Variants in PAH observed in about 807,000 individuals in gnomAD.
The protein encoded by PAH is phenylalanine-4-hydroxylase.
A neutral mutation model predicts 62.0 loss-of-function variants in PAH; 64 were observed. The ratio of observed to expected loss-of-function variants is 1.03; its 90% CI spans 0.84 to 1.27. PAH has a LOEUF of 1.27. Ranked by LOEUF, PAH falls within the 50% of genes most tolerant of loss-of-function variation. PAH has a pLI of 0.00. For missense variants in PAH, 579 were observed against 542.8 expected, an observed-to-expected ratio of 1.07 and a Z score of -0.66; for synonymous variants, 195 against 196.2, an observed-to-expected ratio of 0.99 and a Z score of 0.05.
At chr12:102,867,176 C>T (rs946969937) in intron 4 of PAH, among the ~76,000 whole-genome samples, 13 of 152,196 alleles carry the variant, frequency 8.5e-5, no homozygotes, top group Admixed American at 7.2e-4. Flanking sequence ...ATTCTCACAA[C>T]AAACTTGCGA....
At chr12:102,936,009 T>C (rs1879088537) in intron 1 of PAH, among the ~76,000 whole-genome samples, 1 of 151,982 alleles carries the variant, frequency 6.6e-6, no homozygotes, top group African/African-American at 2.4e-5. Flanking sequence ...TTTTTTGATG[T>C]GGATACTTAT....
At position 102,837,835 on chromosome 12, in the gene PAH, C is replaced by G. The variant is rs1046481085; in HGVS notation, c.*1340G>C. The G allele has an allele frequency of 1.3e-5, 2 of 152,064 alleles. No individual in the cohort carries two copies. The highest frequency in any genetic ancestry group is 4.8e-5 in the African/African-American group (2 of 41,416). The allele number at this position is 152,064 out of a possible 1,614,324, so 9.4% of individuals were successfully genotyped here. On this transcript the variant is annotated 3_prime_UTR_variant, in exon 13 of 13. Transcript: ENST00000553106. ...ATCAGGTTTTCTCAAACTGAATGTA[C>G]CTGATAGAATTTGGCTATGAATAAT...
At chr12:102,899,858 C>CAAAAAAAAAAAAAAAAA (rs1166069532) in intron 2 of PAH, among the ~76,000 whole-genome samples, 3 of 9,538 alleles carry the variant, frequency 3.1e-4, no homozygotes, top group African/African-American at 1.0e-3. Context: ...GACTCCGTCT[C>CAAAAAAAAAAAAAAAAA]AAAAAAAAAA....
At chr12:102,875,251 T>G (rs1250239179) in intron 4 of PAH, among the ~76,000 whole-genome samples, 1 of 152,164 alleles carries the variant, frequency 6.6e-6, no homozygotes, top group Non-Finnish European at 1.5e-5. Context: ...TAAAAACCAA[T>G]GCATTCCAGA....
chr12:102,948,023 A>C (rs1879573780), intron 1 of PAH, among the ~76,000 whole-genome samples: 1 of 152,190 alleles, frequency 6.6e-6, no homozygotes, highest in African/African-American at 2.4e-5. Context: ...AGCCCCCCTC[A>C]TCCAGAAAGA....
intron 3 of PAH, among the ~76,000 whole-genome samples, chr12:102,889,534 GGATA>G (rs201300617): frequency 2.0e-5 from 3 of 150,434 alleles, no homozygotes; most frequent in Admixed American, 6.6e-5. Flanking sequence ...ATAGATAGAC[GGATA>G]GATAGATAGA....
chr12:102,909,323 A>C (rs1878112845), intron 2 of PAH, among the ~76,000 whole-genome samples: 1 of 152,180 alleles, frequency 6.6e-6, no homozygotes, highest in South Asian at 2.1e-4. Context: ...CACAGGGGTA[A>C]TGTGCCATTT....
At chr12:102,913,975 G>A in intron 1 of PAH, 1 of 641,944 alleles carries the variant, frequency 1.6e-6, no homozygotes, top group Admixed American at 2.5e-5. Flanking sequence ...TCTCTTGTAA[G>A]CAAGTTAATG....
At chr12:102,896,285 C>G (rs1005149573) in intron 2 of PAH, among the ~76,000 whole-genome samples, 1 of 152,164 alleles carries the variant, frequency 6.6e-6, no homozygotes, top group Non-Finnish European at 1.5e-5. Context: ...GTTGAAGAGA[C>G]AGCCACAAGG....
chr12:102,916,938 A>G, intron 1 of PAH, 133 bp downstream of exon 1: 1 of 826,786 alleles, frequency 1.2e-6, no homozygotes, highest in Non-Finnish European at 2.1e-6. Flanking sequence ...CTTCCTGGAT[A>G]TTCTCATCAG....
intron 3 of PAH, among the ~76,000 whole-genome samples, chr12:102,885,498 C>T (rs1255486752): frequency 6.6e-6 from 1 of 152,186 alleles, no homozygotes; most frequent in Non-Finnish European, 1.5e-5. Context: ...AACAGAGGCC[C>T]TCTGTGGAGC....
chr12:102,872,813 C>A (rs1876404124), intron 4 of PAH, among the ~76,000 whole-genome samples: 1 of 152,024 alleles, frequency 6.6e-6, no homozygotes, highest in South Asian at 2.1e-4. Context: ...ACTAAAAATA[C>A]AAAAATTAGC....
At chr12:102,839,662 A>G (rs1874501532) in intron 12 of PAH, among the ~76,000 whole-genome samples, 1 of 152,214 alleles carries the variant, frequency 6.6e-6, no homozygotes, top group Non-Finnish European at 1.5e-5. Context: ...AAAGCTATTA[A>G]TTTTTAGCTG....
chr12:102,884,813 A>G (rs1319059071), intron 3 of PAH, among the ~76,000 whole-genome samples: 1 of 152,114 alleles, frequency 6.6e-6, no homozygotes, highest in African/African-American at 2.4e-5. Flanking sequence ...TTTCCTCTAA[A>G]GTTACATTTT....
At chr12:102,901,085 A>G (rs1877732344) in intron 2 of PAH, among the ~76,000 whole-genome samples, 1 of 152,206 alleles carries the variant, frequency 6.6e-6, no homozygotes, top group South Asian at 2.1e-4. Context: ...CTATCCTTTA[A>G]GAAAGCCTTT....
chr12:102,851,667 C>T lies in PAH; in HGVS notation c.912+20G>A. 6.2e-7 allele frequency: 1 copy of T among 1,610,288 alleles called. No individual in the cohort carries two copies. Among genetic ancestry groups the T allele is most frequent in the Non-Finnish European group, 8.5e-7 (1 of 1,176,714 alleles). Reference sequence around the variant, plus strand: ...AGGTCACAGACCTATAACTAGAAGGCTAAAAAATCCATTCCTTACCTGGGA... The same window carrying T: ...AGGTCACAGACCTATAACTAGAAGGTTAAAAAATCCATTCCTTACCTGGGA... On this transcript the variant is annotated intron_variant, in intron 8 of 12. Transcript: ENST00000553106.
At chr12:102,949,538 G>C (rs1879654376) in intron 1 of PAH, among the ~76,000 whole-genome samples, 1 of 152,172 alleles carries the variant, frequency 6.6e-6, no homozygotes. Flanking sequence ...GAGGTAGAAA[G>C]TTTCAGGATT....
At chr12:102,907,356 A>G (rs1445616677) in intron 2 of PAH, among the ~76,000 whole-genome samples, 5 of 152,194 alleles carry the variant, frequency 3.3e-5, no homozygotes, top group African/African-American at 2.4e-5. Context: ...TAGAAAGATC[A>G]TGGGCTTCGG....
rs1330139684 is a variant in PAH at position 102,957,409 on chromosome 12, C to A, written c.-96+786G>T. Among the ~76,000 whole-genome samples the A allele has an allele frequency of 6.6e-6, 1 of 152,090 alleles. No homozygotes were observed. The highest frequency in any genetic ancestry group is 2.4e-5 in the African/African-American group (1 of 41,418). Reference sequence around the variant, plus strand: ...GCCGCCTGTTTATTCAGCCGGGAGTCCGGCACGCGCCAGGCGCACGCACTG... The same window carrying A: ...GCCGCCTGTTTATTCAGCCGGGAGTACGGCACGCGCCAGGCGCACGCACTG... On this transcript the variant is annotated intron_variant, in intron 1 of 4. Coordinates refer to the PAH transcript ENST00000551337. This position sits in a 1 kb window ranked among gnomAD's most constrained non-coding sequence, Gnocchi z 4.1.
Sources: allele counts gnomAD v4.1 joint callset (sites outside exome capture counted in the v4.1 genomes callset), GRCh38; gene constraint gnomAD v4.1.1; non-coding constraint Gnocchi (gnomAD v3.1); transcripts MANE v1.5; gene names NCBI Gene and HGNC (gene_info 2026-07-23, HGNC 2026-07-21).